ZBTB43: variants seen among roughly 807,000 people sequenced by gnomAD.
ZBTB43 encodes the protein zinc finger and BTB domain-containing protein 43.
Under a neutral mutation model 31.1 loss-of-function variants are expected in ZBTB43, and 6 were observed. The ratio of observed to expected loss-of-function variants is 0.19; its 90% confidence interval spans 0.11 to 0.38. The LOEUF is 0.38. Among genes scored for constraint, ZBTB43 ranks in the 10% least tolerant of loss-of-function variants. The pLI is 1.00. For missense variants in ZBTB43, 379 were observed against 602.1 expected (o/e 0.63, Z 3.88); for synonymous variants, 212 against 221.7 (o/e 0.96, Z 0.39).
intron 2 of ZBTB43, among the ~76,000 whole-genome samples, chr9:126,810,495 CTTTTTT>C (rs1163411798): frequency 1.4e-5 from 1 of 73,342 alleles, no homozygotes; most frequent in South Asian, 7.0e-4. Context: ...GCCCAGCCGT[CTTTTTT>C]TTTTTTTTTT....
chr9:126,833,021 T>C lies in ZBTB43; in HGVS notation c.512T>C (p.Leu171Pro), dbSNP rs564215950. The change falls in exon 3 of 3, where the codon CTG (leucine) becomes CCG (proline). Residue 171 changes from leucine (L) to proline (P), a missense_variant. Leu to Pro is a moderately conservative substitution (Grantham distance 98). This residue lies in a region of ZBTB43 where 253 missense variants were observed against 322.3 expected (regional missense o/e 0.79). Transcript: ENST00000373464. This position sits in a 1 kb window ranked among gnomAD's most constrained non-coding sequence, Gnocchi z 7.9. ...ACTGATTTTCCCAAAGCCCAAGAAC[T>C]GAGAGATGGTGAAAATGAAGAGGAG... The part of the protein sequence containing the change: ...GHTDFPKAQE[L>P]RDGENEEEST... The C allele has an allele frequency of 6.2e-7, 1 of 1,613,778 alleles. No individual in the cohort carries two copies. Among genetic ancestry groups the C allele is most frequent in the Admixed American group, 1.7e-5 (1 of 59,998 alleles).
chr9:126,831,036 C>T (rs2032752092), intron 2 of ZBTB43, among the ~76,000 whole-genome samples: 2 of 152,164 alleles, frequency 1.3e-5, no homozygotes, highest in African/African-American at 2.4e-5. Flanking sequence ...TTCATATTCT[C>T]AGAAGCTCTT....
intron 2 of ZBTB43, among the ~76,000 whole-genome samples, chr9:126,821,606 C>T (rs766068725): frequency 2.6e-5 from 4 of 152,096 alleles, no homozygotes; most frequent in Non-Finnish European, 5.9e-5. Context: ...GAAGTGGAGC[C>T]TGAAGATGGG....
chr9:126,817,599 C>T (rs769690748), intron 2 of ZBTB43, among the ~76,000 whole-genome samples: 5 of 151,764 alleles, frequency 3.3e-5, no homozygotes, highest in Non-Finnish European at 7.4e-5. Flanking sequence ...CCTCAGCCTC[C>T]CGAGCAGCTG....
intron 2 of ZBTB43, among the ~76,000 whole-genome samples, chr9:126,826,373 C>T (rs1045752467): frequency 4.0e-5 from 6 of 151,254 alleles, no homozygotes; most frequent in Admixed American, 4.0e-4. Flanking sequence ...TCTCGAACTC[C>T]TGACCTCAAG....
chr9:126,837,390 C>T lies in ZBTB43; in HGVS notation c.*3477C>T, dbSNP rs2032904558. On this transcript the variant is annotated 3_prime_UTR_variant, in exon 3 of 3. Transcript: ENST00000373464. The stretch of plus-strand genomic sequence containing the variant: ...TTGCTGAACTAACCTGCCCCTAAGG[C>T]TGGCTTCTAACCACCGGGGAAAGCT... 3.6e-5 allele frequency: 6 copies of T among 167,282 alleles called. No homozygotes were observed. The highest frequency in any genetic ancestry group is 3.4e-3 in the Middle Eastern group (1 of 298). The allele number at this position is 167,282 out of a possible 1,614,324, so 10.4% of individuals were successfully genotyped here. A position where few individuals can be genotyped will look rare whatever the true frequency, so the allele number is the denominator to read the frequency against.
At chr9:126,810,792 C>T (rs2032231986) in intron 2 of ZBTB43, among the ~76,000 whole-genome samples, 2 of 151,840 alleles carry the variant, frequency 1.3e-5, no homozygotes, top group African/African-American at 4.8e-5. Context: ...AGTGAGCCAC[C>T]ATGCCTGGCT....
At chr9:126,810,943 A>G (rs774892014) in intron 2 of ZBTB43, among the ~76,000 whole-genome samples, 21 of 152,056 alleles carry the variant, frequency 1.4e-4, no homozygotes, top group African/African-American at 4.8e-4. Flanking sequence ...ATTCACAGCC[A>G]GGCACGATGG....
At position 126,828,648 on chromosome 9, in the gene ZBTB43, A is replaced by ATTATT. The variant is rs1554742722; in HGVS notation, c.-23-3839_-23-3838insTTATT. 1.2e-3 allele frequency among the ~76,000 whole-genome samples: 155 copies of ATTATT among 133,740 alleles called. 1 individual carries two copies. The highest frequency in any genetic ancestry group is 3.8e-3 in the African/African-American group (126 of 33,418). The allele number at this position is 133,740 out of a possible 152,430, so 87.7% of individuals were successfully genotyped here. A position where few individuals can be genotyped will look rare whatever the true frequency, so the allele number is the denominator to read the frequency against. ...ATCTCTAAATAATAATAATAATAAT[A>ATTATT]ATAATAATTATTATTATTATTATTA... On this transcript the variant is annotated intron_variant, in intron 2 of 2. Transcript: ENST00000373464.
At chr9:126,813,516 T>G (rs961700227) in intron 2 of ZBTB43, among the ~76,000 whole-genome samples, 2 of 152,136 alleles carry the variant, frequency 1.3e-5, no homozygotes, top group Admixed American at 1.3e-4. Context: ...AGTAATGATG[T>G]GTGTGTCACC....
At chr9:126,822,842 C>T (rs955649350) in intron 2 of ZBTB43, among the ~76,000 whole-genome samples, 1 of 152,162 alleles carries the variant, frequency 6.6e-6, no homozygotes, top group Admixed American at 6.5e-5. Context: ...AGACCCTCTA[C>T]CAGCAAAGGG....
At chr9:126,827,738 T>C (rs2032673923) in intron 2 of ZBTB43, among the ~76,000 whole-genome samples, 1 of 152,176 alleles carries the variant, frequency 6.6e-6, no homozygotes, top group African/African-American at 2.4e-5. Context: ...CCGGGCGAGG[T>C]GGCTCACGCC....
chr9:126,823,183 T>C (rs1202188220), intron 2 of ZBTB43, among the ~76,000 whole-genome samples: 1 of 152,228 alleles, frequency 6.6e-6, no homozygotes, highest in East Asian at 1.9e-4. Context: ...TGCTTTTTTC[T>C]ATCAATTCTT....
rs1406340952 is a variant in ZBTB43 at position 126,808,817 on chromosome 9, G to A, written c.-122G>A. 2.0e-5 allele frequency: 3 copies of A among 152,062 alleles called. No homozygotes were observed. Among genetic ancestry groups the A allele is most frequent in the Non-Finnish European group, 4.4e-5 (3 of 68,002 alleles). The allele number at this position is 152,062 out of a possible 1,614,324, so 9.4% of individuals were successfully genotyped here. A position where few individuals can be genotyped will look rare whatever the true frequency, so the allele number is the denominator to read the frequency against. On this transcript the variant is annotated 5_prime_UTR_variant, in exon 2 of 3. Coordinates refer to ENST00000373464, the MANE Select transcript of ZBTB43 (RefSeq NM_014007.4). ...GAAGTCAATGTGATTTTAATTTGAAGCAAAACTGAAATGGGTTCTTCTTCC... is the reference window on the plus strand; with the variant it reads ...GAAGTCAATGTGATTTTAATTTGAAACAAAACTGAAATGGGTTCTTCTTCC...
chr9:126,828,216 C>T (rs2032685511), intron 2 of ZBTB43, among the ~76,000 whole-genome samples: 1 of 151,508 alleles, frequency 6.6e-6, no homozygotes, highest in Non-Finnish European at 1.5e-5. Context: ...TGGAGTCTTG[C>T]TCTGTCGCCC....
Position 126,833,789 on chromosome 9 carries a change from C to A in ZBTB43, c.1280C>A (p.Pro427Gln). 6.2e-7 allele frequency: 1 copy of A among 1,611,658 alleles called. No homozygotes were observed. Among genetic ancestry groups the A allele is most frequent in the Non-Finnish European group, 8.5e-7 (1 of 1,178,006 alleles). Residue 427 changes from proline to glutamine, a missense_variant, in exon 3 of 3, where the codon CCG becomes CAG. Around this residue, in one of 5 missense-constraint regions of ZBTB43, gnomAD observed 23 missense variants for 105.1 expected, o/e 0.22. Coordinates refer to ENST00000373464, the MANE Select transcript of ZBTB43 (RefSeq NM_014007.4). The surrounding 1 kb of genome is among the most constrained non-coding windows in gnomAD (Gnocchi z 7.9). Reference protein sequence around the residue: ...GHMKIHTGIKPYECNICAKRF... With the variant: ...GHMKIHTGIKQYECNICAKRF... Reference sequence around the variant, plus strand: ...ATGAAAATTCACACAGGCATAAAGCCGTATGAGTGTAATATCTGTGCAAAG... The same window carrying A: ...ATGAAAATTCACACAGGCATAAAGCAGTATGAGTGTAATATCTGTGCAAAG...
intron 2 of ZBTB43, among the ~76,000 whole-genome samples, chr9:126,811,913 C>T (rs902762296): frequency 2.0e-5 from 3 of 152,190 alleles, no homozygotes; most frequent in African/African-American, 4.8e-5. Context: ...CGTGAGCCAC[C>T]GCACCCGGCC....
chr9:126,809,410 A>T (rs1173441888), intron 2 of ZBTB43, among the ~76,000 whole-genome samples: 2 of 152,212 alleles, frequency 1.3e-5, no homozygotes, highest in Non-Finnish European at 2.9e-5. Context: ...AAATTTACTG[A>T]AGCAACATTT....
chr9:126,830,075 A>T (rs2032732233), intron 2 of ZBTB43, among the ~76,000 whole-genome samples: 1 of 152,234 alleles, frequency 6.6e-6, no homozygotes, highest in African/African-American at 2.4e-5. Context: ...AAGAAAAATC[A>T]CATAGACTTT....
Sources: allele counts gnomAD v4.1 joint callset (sites outside exome capture counted in the v4.1 genomes callset), GRCh38; gene constraint gnomAD v4.1.1; regional missense constraint gnomAD v4.1.1; non-coding constraint Gnocchi (gnomAD v3.1); transcripts MANE v1.5; gene names NCBI Gene and HGNC (gene_info 2026-07-23, HGNC 2026-07-21).